BANP: variants seen among roughly 807,000 people sequenced by gnomAD.
The protein encoded by BANP is BTG3 associated nuclear protein.
BANP carries 11 observed loss-of-function variants against 68.1 expected under a neutral mutation model. That is an observed-to-expected ratio of 0.16 (90% CI 0.10 to 0.27). The LOEUF is 0.27. Ranked by LOEUF, BANP falls within the 10% of genes least tolerant of loss-of-function variation. The probability of loss-of-function intolerance (pLI) is 1.00; values close to 1 mark genes in which losing one functional copy is unlikely to be tolerated. For synonymous variants in BANP, 329 were observed against 303.2 expected, an observed-to-expected ratio of 1.09 and a Z score of -0.88; for missense variants, 504 against 722.7, an observed-to-expected ratio of 0.70 and a Z score of 3.47.
At chr16:88,012,044 T>G (rs1452897959) in intron 6 of BANP, among the ~76,000 whole-genome samples, 1 of 152,236 alleles carries the variant, frequency 6.6e-6, no homozygotes, top group Non-Finnish European at 1.5e-5. Flanking sequence ...CACATTATAT[T>G]TTCTTGTGGG....
intron 1 of BANP, among the ~76,000 whole-genome samples, chr16:87,960,145 CT>C (rs1282468251): frequency 6.6e-6 from 1 of 152,192 alleles, no homozygotes; most frequent in East Asian, 1.9e-4. Flanking sequence ...CTTCTGGGGG[CT>C]TCTGGAGCAG....
intron 6 of BANP, among the ~76,000 whole-genome samples, chr16:88,014,343 C>G (rs557970019): frequency 6.6e-6 from 1 of 151,898 alleles, no homozygotes. Flanking sequence ...GCGGCTGCCC[C>G]GACACTGCCT....
intron 2 of BANP, 152 bp from the exon 3 acceptor site, chr16:87,980,884 C>G: frequency 1.6e-6 from 1 of 610,432 alleles, no homozygotes; most frequent in South Asian, 1.9e-5. Context: ...TTCTGCCTGA[C>G]TGAGAATAAG....
At chr16:88,012,425 G>A (rs149822336) in intron 6 of BANP, among the ~76,000 whole-genome samples, 2,304 of 152,322 alleles carry the variant, frequency 0.015, 52 homozygotes, top group African/African-American at 0.049. Context: ...GAGATGGTGA[G>A]GCTGACCTTG....
chr16:88,059,634 G>T (rs1230649724), intron 11 of BANP, among the ~76,000 whole-genome samples: 3 of 152,090 alleles, frequency 2.0e-5, no homozygotes, highest in Non-Finnish European at 4.4e-5. Context: ...CATGTGCTGA[G>T]CCCTGGCTCA....
chr16:87,977,346 G>A (rs2062359365), intron 2 of BANP, among the ~76,000 whole-genome samples: 1 of 152,098 alleles, frequency 6.6e-6, no homozygotes, highest in South Asian at 2.1e-4. Flanking sequence ...GTGAACCCGG[G>A]AGGCGGAGCT....
intron 8 of BANP, among the ~76,000 whole-genome samples, chr16:88,031,480 C>G (rs867316183): frequency 2.0e-5 from 3 of 151,220 alleles, no homozygotes; most frequent in Admixed American, 6.6e-5. Context: ...CCCTTCTCTA[C>G]AAAAAAATAC....
At chr16:88,050,671 T>C (rs1473287132) in intron 11 of BANP, among the ~76,000 whole-genome samples, 1 of 152,052 alleles carries the variant, frequency 6.6e-6, no homozygotes, top group Non-Finnish European at 1.5e-5. Context: ...GTGAGGGGTG[T>C]GTATTGGCTG....
At chr16:88,073,429 G>T (rs2090875579) in intron 13 of BANP, among the ~76,000 whole-genome samples, 1 of 152,056 alleles carries the variant, frequency 6.6e-6, no homozygotes. Flanking sequence ...TGGGCGCGGT[G>T]GCCCCCGCAG....
intron 11 of BANP, among the ~76,000 whole-genome samples, chr16:88,059,205 A>ACT (rs888769266): frequency 1.5e-4 from 14 of 90,952 alleles, no homozygotes; most frequent in Admixed American, 6.6e-4. Flanking sequence ...CCTTGAGGAG[A>ACT]GTAGGGATGC....
chr16:88,001,729 A>G (rs566988720), intron 4 of BANP, among the ~76,000 whole-genome samples: 5 of 152,250 alleles, frequency 3.3e-5, no homozygotes, highest in African/African-American at 1.2e-4. Context: ...TGAACGTCTC[A>G]CCAATGAGCT....
At chr16:88,042,534 C>T (rs1360342121) in intron 11 of BANP, among the ~76,000 whole-genome samples, 3 of 152,220 alleles carry the variant, frequency 2.0e-5, no homozygotes, top group Non-Finnish European at 2.9e-5. Flanking sequence ...CACATGCTGT[C>T]GTGCCCCACT....
chr16:88,062,649 C>G (rs146269973), intron 11 of BANP, among the ~76,000 whole-genome samples: 264 of 152,308 alleles, frequency 1.7e-3, no homozygotes, highest in African/African-American at 6.2e-3. Context: ...AGGCCAGTGT[C>G]CCTGGAGCCT....
chr16:87,974,437 A>G (rs918410593), intron 1 of BANP, among the ~76,000 whole-genome samples: 2 of 152,176 alleles, frequency 1.3e-5, no homozygotes, highest in African/African-American at 4.8e-5. Flanking sequence ...TGGTGGCAGG[A>G]TGCTGCTCGG....
intron 1 of BANP, among the ~76,000 whole-genome samples, chr16:87,972,131 G>T (rs11641608): frequency 6.6e-6 from 1 of 151,644 alleles, no homozygotes; most frequent in Non-Finnish European, 1.5e-5. Context: ...ACATATGTTG[G>T]GTCTTCTTTT....
Position 87,984,239 on chromosome 16 carries a change from G to A in BANP, c.342G>A (p.Gln114=), listed in dbSNP as rs1226628761. The stretch of plus-strand genomic sequence containing the variant: ...CCGGCTCCCCTCTCGGGGCAACCCA[G>A]ACGTGCAACAAAGTGCGATGGTAAG... ...MVAGSPLGAT[Q]TCNKVRCVVP... Residue 114 remains glutamine (Q), a synonymous_variant, in exon 4 of 14, where the codon CAG becomes CAA. Coordinates refer to ENST00000682872, the MANE Select transcript of BANP (RefSeq NM_001386991.1). 6.3e-7 allele frequency: 1 copy of A among 1,597,600 alleles called. No individual in the cohort carries two copies. Among genetic ancestry groups the A allele is most frequent in the Non-Finnish European group, 8.5e-7 (1 of 1,171,090 alleles).
At chr16:88,032,082 G>A (rs919238103) in intron 8 of BANP, among the ~76,000 whole-genome samples, 37 of 152,262 alleles carry the variant, frequency 2.4e-4, no homozygotes, top group African/African-American at 8.9e-4. Flanking sequence ...TGGGATTACA[G>A]GCGTGAGCCA....
At chr16:87,953,177 T>G (rs2057329803) in intron 1 of BANP, among the ~76,000 whole-genome samples, 1 of 146,400 alleles carries the variant, frequency 6.8e-6, no homozygotes, top group Non-Finnish European at 1.5e-5. Flanking sequence ...TCAGTCTGTC[T>G]GAAGCCTATG....
intron 11 of BANP, among the ~76,000 whole-genome samples, chr16:88,059,440 T>C (rs1008452861): frequency 6.6e-6 from 1 of 152,146 alleles, no homozygotes; most frequent in Non-Finnish European, 1.5e-5. Context: ...GAGCCCAGTG[T>C]GGCCTCACTT....
Sources: allele counts gnomAD v4.1 joint callset (sites outside exome capture counted in the v4.1 genomes callset), GRCh38; gene constraint gnomAD v4.1.1; transcripts MANE v1.5; gene names NCBI Gene and HGNC (gene_info 2026-07-23, HGNC 2026-07-21).